The following ARHGAP15 variants were observed in gnomAD, a reference collection of about 807,000 sequenced individuals.
The protein encoded by ARHGAP15 is Rho GTPase activating protein 15, also known as rho GTPase-activating protein 15.
Under a neutral mutation model 63.7 loss-of-function variants are expected in ARHGAP15, and 51 were observed. The observed-to-expected ratio is 0.80, with a 90% CI of 0.64 to 1.01. ARHGAP15 has a LOEUF of 1.01. Ranked by LOEUF, ARHGAP15 falls within the 50% of genes least tolerant of loss-of-function variation. ARHGAP15 has a pLI of 0.00. For missense variants in ARHGAP15, 560 were observed against 564.6 expected (o/e 0.99, Z 0.08); for synonymous variants, 191 against 193.8 (o/e 0.99, Z 0.12).
chr2:143,695,332 T>C (rs958336890), intron 12 of ARHGAP15, among the ~76,000 whole-genome samples: 1 of 152,152 alleles, frequency 6.6e-6, no homozygotes. Context: ...TTGGCCACCA[T>C]GACACCTCCA....
chr2:143,760,180 G>T (rs1651870146), intron 13 of ARHGAP15, among the ~76,000 whole-genome samples: 1 of 152,072 alleles, frequency 6.6e-6, no homozygotes, highest in African/African-American at 2.4e-5. Context: ...GTTACATCGA[G>T]TTCCCAGTGT....
intron 6 of ARHGAP15, among the ~76,000 whole-genome samples, chr2:143,259,564 C>T (rs1293420853): frequency 6.6e-6 from 1 of 152,036 alleles, no homozygotes; most frequent in Non-Finnish European, 1.5e-5. Flanking sequence ...GCATTGCTGC[C>T]ATCTGGTGGC....
intron 12 of ARHGAP15, among the ~76,000 whole-genome samples, chr2:143,641,817 A>AAAATGTGC (rs1559097460): frequency 6.6e-6 from 1 of 152,138 alleles, no homozygotes; most frequent in Non-Finnish European, 1.5e-5. Flanking sequence ...AAAAGCCTTT[A>AAAATGTGC]AAATGTGCAT....
chr2:143,262,390 G>C (rs139861101), intron 6 of ARHGAP15, among the ~76,000 whole-genome samples: 2 of 152,186 alleles, frequency 1.3e-5, no homozygotes, highest in East Asian at 3.9e-4. Flanking sequence ...CACTGCAACT[G>C]TGTATGAGGC....
At chr2:143,671,251 G>T (rs1413726097) in intron 12 of ARHGAP15, among the ~76,000 whole-genome samples, 1 of 148,888 alleles carries the variant, frequency 6.7e-6, no homozygotes, top group Non-Finnish European at 1.5e-5. Context: ...TTTTTAATTA[G>T]TTTTTTTTTT....
chr2:143,597,379 T>G (rs960847263), intron 11 of ARHGAP15, among the ~76,000 whole-genome samples: 5 of 152,166 alleles, frequency 3.3e-5, no homozygotes, highest in African/African-American at 1.2e-4. Flanking sequence ...TGCAACTGAA[T>G]GTAGAAAGTC....
intron 6 of ARHGAP15, among the ~76,000 whole-genome samples, chr2:143,253,162 CAAA>C (rs1435007757): frequency 2.0e-5 from 3 of 149,774 alleles, no homozygotes; most frequent in Non-Finnish European, 4.5e-5. Flanking sequence ...CAAGGAAAAT[CAAA>C]GAAGAGCAAA....
chr2:143,330,133 C>CAAAAAAAAAAAAAAAAAAAAAAAAA lies in ARHGAP15; in HGVS notation c.474+79538_474+79539insAAAAAAAAAAAAAAAAAAAAAAAAA, dbSNP rs1558898102. 2.4e-3 allele frequency among the ~76,000 whole-genome samples: 90 copies of CAAAAAAAAAAAAAAAAAAAAAAAAA among 37,338 alleles called. 8 individuals are homozygous for CAAAAAAAAAAAAAAAAAAAAAAAAA. The highest frequency in any genetic ancestry group is 3.3e-3 in the Non-Finnish European group (63 of 19,152). 24.5% of individuals were successfully genotyped at this position (37,338 alleles called of 152,430 possible). ...AAAAAAAAAAAAAAAAAAAAAAAAC[C>CAAAAAAAAAAAAAAAAAAAAAAAAA]AAAAACAAAAAACTAAACTAATGAT... On this transcript the variant is annotated intron_variant, in intron 6 of 13. Coordinates refer to ENST00000295095, the MANE Select transcript of ARHGAP15 (RefSeq NM_018460.4).
chr2:143,620,772 A>G (rs1289394218), intron 11 of ARHGAP15, among the ~76,000 whole-genome samples: 1 of 152,224 alleles, frequency 6.6e-6, no homozygotes, highest in African/African-American at 2.4e-5. Flanking sequence ...ATTAAATTAG[A>G]TAATGAATGT....
At chr2:143,575,029 T>A (rs926415357) in intron 11 of ARHGAP15, among the ~76,000 whole-genome samples, 1 of 152,178 alleles carries the variant, frequency 6.6e-6, no homozygotes, top group African/African-American at 2.4e-5. Context: ...TTCACATGTC[T>A]AGAGATTTTC....
chr2:143,513,029 G>A (rs1241937179), intron 9 of ARHGAP15, among the ~76,000 whole-genome samples: 1 of 152,208 alleles, frequency 6.6e-6, no homozygotes, highest in Non-Finnish European at 1.5e-5. Flanking sequence ...GACCTTTGAT[G>A]TAACCAAGTT....
At chr2:143,206,215 G>A (rs1692325029) in intron 3 of ARHGAP15, among the ~76,000 whole-genome samples, 1 of 151,990 alleles carries the variant, frequency 6.6e-6, no homozygotes, top group Admixed American at 6.6e-5. Context: ...TTGTTCCATG[G>A]CTGGATTGTA....
intron 6 of ARHGAP15, among the ~76,000 whole-genome samples, chr2:143,396,046 C>T (rs1286923285): frequency 6.6e-6 from 1 of 152,026 alleles, no homozygotes; most frequent in Non-Finnish European, 1.5e-5. Flanking sequence ...CTGCATTAAT[C>T]GATATTGTGG....
chr2:143,703,326 C>T (rs1684174452), intron 12 of ARHGAP15, 93 bp from the exon 13 acceptor site: 1 of 861,518 alleles, frequency 1.2e-6, no homozygotes, highest in East Asian at 2.6e-5. Context: ...TTGCTAGTCT[C>T]AGTCCAAAAT....
chr2:143,626,086 A>G (rs1553514459), intron 12 of ARHGAP15, among the ~76,000 whole-genome samples: 1 of 152,134 alleles, frequency 6.6e-6, no homozygotes, highest in Non-Finnish European at 1.5e-5. Flanking sequence ...AATTTTATAG[A>G]ATTTCAGAAA....
intron 13 of ARHGAP15, among the ~76,000 whole-genome samples, chr2:143,713,891 C>T (rs781559851): frequency 6.6e-6 from 1 of 152,194 alleles, no homozygotes; most frequent in African/African-American, 2.4e-5. Context: ...GGTACAGCCT[C>T]CATCCTGGCT....
In ARHGAP15 at chr2:143,217,903, A is replaced by G. The variant is rs114174835; in HGVS notation, c.296+1458A>G. 3.7e-3 allele frequency among the ~76,000 whole-genome samples: 564 copies of G among 152,290 alleles called. 5 individuals carry two copies. Among genetic ancestry groups the G allele is most frequent in the African/African-American group, 0.012 (492 of 41,566 alleles). ...TCAGTTCCACCCTCCAGCCTCATGC[A>G]AGGAAGTAGGGGAGATCCTAAATGA... On this transcript the variant is annotated intron_variant, in intron 4 of 13. Transcript: ENST00000295095.
chr2:143,248,329 C>T (rs1021403540), intron 5 of ARHGAP15, among the ~76,000 whole-genome samples: 2 of 152,092 alleles, frequency 1.3e-5, no homozygotes, highest in Non-Finnish European at 1.5e-5. Context: ...AAAGGACCTA[C>T]GGCAAGATCA....
intron 13 of ARHGAP15, among the ~76,000 whole-genome samples, chr2:143,729,116 C>T (rs769712733): frequency 2.0e-5 from 3 of 152,056 alleles, no homozygotes; most frequent in Non-Finnish European, 4.4e-5. Context: ...TCTGAGTTAC[C>T]CCTGCGGCTC....
Sources: allele counts gnomAD v4.1 joint callset (sites outside exome capture counted in the v4.1 genomes callset), GRCh38; gene constraint gnomAD v4.1.1; transcripts MANE v1.5; gene names NCBI Gene and HGNC (gene_info 2026-07-23, HGNC 2026-07-21).